The following MAST2 variants were observed in gnomAD, a reference collection of about 807,000 sequenced individuals.
MAST2 encodes the protein microtubule-associated serine/threonine-protein kinase 2.
In MAST2, 70 loss-of-function variants were observed where a neutral mutation model predicts 147.4. The observed-to-expected ratio is 0.47, with a 90% confidence interval of 0.39 to 0.58. MAST2 has a LOEUF of 0.58. Ranked by LOEUF, MAST2 falls within the 20% of genes least tolerant of loss-of-function variation. The pLI is 0.00. For missense variants in MAST2, 2,080 were observed against 2,302.3 expected (o/e 0.90, Z 1.98); for synonymous variants, 869 against 896.8 (o/e 0.97, Z 0.55).
At chr1:45,977,258 C>T (rs1323907807) in intron 5 of MAST2, among the ~76,000 whole-genome samples, 1 of 152,132 alleles carries the variant, frequency 6.6e-6, no homozygotes, top group South Asian at 2.1e-4. Flanking sequence ...GAGGCCAAGG[C>T]GGGTGGATCA....
intron 4 of MAST2, 85 bp downstream of exon 4, chr1:45,882,480 A>G: frequency 9.5e-7 from 1 of 1,058,122 alleles, no homozygotes; most frequent in South Asian, 1.4e-5. Flanking sequence ...CATGTGGAGG[A>G]ATCCCGCTCA....
At chr1:45,870,956 T>A (rs990794547) in intron 3 of MAST2, among the ~76,000 whole-genome samples, 2 of 151,844 alleles carry the variant, frequency 1.3e-5, no homozygotes, top group Non-Finnish European at 2.9e-5. Flanking sequence ...ACAACAAAAA[T>A]TCATGGAAGA....
Position 46,028,896 on chromosome 1 carries a change from A to C in MAST2, c.2181A>C (p.Gly727=). The C allele has an allele frequency of 2.5e-6, 4 of 1,610,332 alleles. No individual in the cohort carries two copies. Among genetic ancestry groups the C allele is most frequent in the Non-Finnish European group, 3.4e-6 (4 of 1,178,388 alleles). The change falls in exon 18 of 29, where the codon GGA becomes GGC. Residue 727 remains glycine, a synonymous_variant. Transcript: ENST00000361297. ...EFLVGCVPFF[G]DTPEELFGQV... is the part of the protein sequence containing the mutation. ...TGGTGGGCTGCGTCCCTTTTTTTGG[A>C]GATACTCCGGAGGAGCTCTTTGGGC... is the stretch of plus-strand genomic sequence containing the variant.
At chr1:45,812,026 T>G (rs911110573) in intron 1 of MAST2, among the ~76,000 whole-genome samples, 4 of 152,220 alleles carry the variant, frequency 2.6e-5, no homozygotes, top group Middle Eastern at 3.4e-3. Flanking sequence ...CGCCTTGGCC[T>G]CCCAAAATGC....
At chr1:45,854,382 G>A (rs1268526226) in intron 3 of MAST2, among the ~76,000 whole-genome samples, 2 of 151,446 alleles carry the variant, frequency 1.3e-5, no homozygotes, top group Admixed American at 1.3e-4. Context: ...GTTTATTTCT[G>A]GGTTCTCTTT....
intron 3 of MAST2, among the ~76,000 whole-genome samples, chr1:45,841,929 G>A (rs1645289157): frequency 6.6e-6 from 1 of 152,208 alleles, no homozygotes; most frequent in South Asian, 2.1e-4. Context: ...TGACATTCAT[G>A]CATTCTGGAG....
chr1:45,874,745 C>G (rs191848467), intron 3 of MAST2, among the ~76,000 whole-genome samples: 4 of 152,290 alleles, frequency 2.6e-5, no homozygotes, highest in East Asian at 3.9e-4. Context: ...AATTCCTACT[C>G]TCCTGGAGCT....
intron 3 of MAST2, among the ~76,000 whole-genome samples, chr1:45,854,136 C>T (rs934980225): frequency 2.0e-5 from 3 of 151,892 alleles, no homozygotes; most frequent in South Asian, 2.1e-4. Flanking sequence ...GTCAGGAGTT[C>T]GAGACCAGCC....
chr1:45,886,393 C>T (rs1570548855), intron 4 of MAST2, among the ~76,000 whole-genome samples: 1 of 151,440 alleles, frequency 6.6e-6, no homozygotes, highest in East Asian at 1.9e-4. Context: ...CTGTTACATT[C>T]TAATACGCAA....
intron 5 of MAST2, among the ~76,000 whole-genome samples, chr1:45,978,262 C>T (rs1644254813): frequency 6.6e-6 from 1 of 152,162 alleles, no homozygotes; most frequent in Admixed American, 6.5e-5. Flanking sequence ...GCCTGTAATG[C>T]CAACCTTTTG....
chr1:45,984,305 TA>T (rs1644527847), intron 5 of MAST2, among the ~76,000 whole-genome samples: 1 of 151,410 alleles, frequency 6.6e-6, no homozygotes, highest in African/African-American at 2.4e-5. Context: ...ATTTAATTTT[TA>T]ATTTTTTTTT....
intron 4 of MAST2, among the ~76,000 whole-genome samples, chr1:45,950,705 T>A (rs1658800006): frequency 6.6e-6 from 1 of 152,210 alleles, no homozygotes; most frequent in African/African-American, 2.4e-5. Context: ...AAGGTAAGTT[T>A]GTAGTACAAA....
At chr1:46,006,853 A>G (rs1227066963) in intron 8 of MAST2, among the ~76,000 whole-genome samples, 2 of 152,222 alleles carry the variant, frequency 1.3e-5, no homozygotes, top group Non-Finnish European at 2.9e-5. Flanking sequence ...GAACAATGGT[A>G]TCATCAATTC....
chr1:45,878,934 T>TTA lies in MAST2; in HGVS notation c.469-3429_469-3428insAT, dbSNP rs1019773103. On this transcript the variant is annotated intron_variant, in intron 3 of 28. Coordinates refer to ENST00000361297, the MANE Select transcript of MAST2 (RefSeq NM_015112.3). ...TTGATGTATAATCCCAGCAGGCTTTTTTTTTTTTGGTAAAAATTAATAATT... is the reference window on the plus strand; with the variant it reads ...TTGATGTATAATCCCAGCAGGCTTTTTATTTTTTTTGGTAAAAATTAATAATT... 4.3e-4 allele frequency among the ~76,000 whole-genome samples: 65 copies of TTA among 151,910 alleles called. 1 individual carries two copies. Among genetic ancestry groups the TTA allele is most frequent in the African/African-American group, 1.4e-3 (59 of 41,490 alleles).
chr1:45,972,542 G>A (rs1571003002), intron 5 of MAST2, among the ~76,000 whole-genome samples: 1 of 152,180 alleles, frequency 6.6e-6, no homozygotes, highest in African/African-American at 2.4e-5. Context: ...ATCCCTTACA[G>A]CCAGTAATCC....
At chr1:46,005,017 T>C (rs557986109) in intron 7 of MAST2, among the ~76,000 whole-genome samples, 4 of 152,104 alleles carry the variant, frequency 2.6e-5, no homozygotes, top group African/African-American at 9.6e-5. Flanking sequence ...CAGTGAGCTA[T>C]GATAACGCCA....
At chr1:45,963,786 T>G (rs1330664961) in intron 5 of MAST2, among the ~76,000 whole-genome samples, 1 of 152,236 alleles carries the variant, frequency 6.6e-6, no homozygotes, top group Non-Finnish European at 1.5e-5. Context: ...TGGCCAGAAC[T>G]TCCAACACTA....
chr1:46,005,900 AG>A (rs1199985203), intron 7 of MAST2, among the ~76,000 whole-genome samples: 1 of 152,202 alleles, frequency 6.6e-6, no homozygotes. Flanking sequence ...CGAACTTAAG[AG>A]GATGTTATTT....
chr1:46,017,925 C>T (rs1646025923), intron 10 of MAST2, among the ~76,000 whole-genome samples: 1 of 152,206 alleles, frequency 6.6e-6, no homozygotes, highest in Admixed American at 6.5e-5. Context: ...TTCCTTGTAT[C>T]CTATTTACTA....
Sources: allele counts gnomAD v4.1 joint callset (sites outside exome capture counted in the v4.1 genomes callset), GRCh38; gene constraint gnomAD v4.1.1; transcripts MANE v1.5; gene names NCBI Gene and HGNC (gene_info 2026-07-23, HGNC 2026-07-21).